TMEM50A: variants seen among roughly 807,000 people sequenced by gnomAD.
TMEM50A encodes the protein transmembrane protein 50A.
In TMEM50A, 8 loss-of-function variants were observed where a neutral mutation model predicts 23.9. The observed-to-expected ratio is 0.33, with a 90% CI of 0.20 to 0.60. The LOEUF is 0.60. Ranked by LOEUF, TMEM50A falls within the 20% of genes least tolerant of loss-of-function variation. TMEM50A has a pLI of 0.81. For missense variants in TMEM50A, 178 were observed against 192.7 expected, an observed-to-expected ratio of 0.92 and a Z score of 0.45; for synonymous variants, 55 against 60.4, an observed-to-expected ratio of 0.91 and a Z score of 0.41.
In TMEM50A at chr1:25,351,674, A is replaced by G; in HGVS notation, c.255A>G (p.Glu85=). The part of the protein sequence containing the change: ...NGQVRGDSYS[E]GCLGQTGARI... Reference sequence around the variant, plus strand: ...AAGTCCGAGGTGATAGTTACAGTGAAGGTTGTCTGGGTCAAACAGGTAAAT... The same window carrying G: ...AAGTCCGAGGTGATAGTTACAGTGAGGGTTGTCTGGGTCAAACAGGTAAAT... The change falls in exon 4 of 7, where the codon GAA becomes GAG. Residue 85 remains glutamate (E), a synonymous_variant. Coordinates refer to ENST00000374358, the MANE Select transcript of TMEM50A (RefSeq NM_014313.4). 2 of 1,613,612 alleles carry G rather than the reference A, an allele frequency of 1.2e-6. No homozygotes were observed. The highest frequency in any genetic ancestry group is 1.1e-5 in the South Asian group (1 of 90,934).
In TMEM50A at chr1:25,351,632, T is replaced by G. The variant is rs763007643; in HGVS notation, c.213T>G (p.Asn71Lys). ...VIATIAFLMI[N>K]AVSNGQVRGD... ...TTTTATTTTATTCATACAGGATTAA[T>G]GCAGTATCGAATGGACAAGTCCGAG... The change falls in exon 4 of 7, where the codon AAT (asparagine) becomes AAG (lysine). Residue 71 changes from asparagine to lysine, a missense_variant. Transcript: ENST00000374358. The G allele has an allele frequency of 6.2e-7, 1 of 1,611,944 alleles. No individual in the cohort carries two copies. The highest frequency in any genetic ancestry group is 8.5e-7 in the Non-Finnish European group (1 of 1,179,414).
chr1:25,357,275 G>A (rs967331030), intron 6 of TMEM50A, among the ~76,000 whole-genome samples: 1 of 152,038 alleles, frequency 6.6e-6, no homozygotes, highest in African/African-American at 2.4e-5. Context: ...GAGATTTGAG[G>A]TGTGGAGGAA....
At chr1:25,351,454 A>G (rs981742610) in intron 3 of TMEM50A, among the ~76,000 whole-genome samples, 172 bp from the exon 4 acceptor site, 1 of 152,164 alleles carries the variant, frequency 6.6e-6, no homozygotes, top group Non-Finnish European at 1.5e-5. Context: ...GGCTGCAGTA[A>G]GCCATGGTTG....
At chr1:25,346,315 G>T (rs3093649) in intron 3 of TMEM50A, among the ~76,000 whole-genome samples, 476 of 151,416 alleles carry the variant, frequency 3.1e-3, no homozygotes, top group Non-Finnish European at 5.5e-3. Flanking sequence ...AAGGTTTGAG[G>T]GAGGCACATC....
At chr1:25,351,790 C>A in intron 4 of TMEM50A, 97 bp downstream of exon 4, 2 of 996,666 alleles carry the variant, frequency 2.0e-6, no homozygotes, top group Non-Finnish European at 3.0e-6. Flanking sequence ...TTTAATATAT[C>A]TGTGAGTAAC....
chr1:25,353,119 C>T (rs1214198569), intron 5 of TMEM50A, 145 bp downstream of exon 5: 5 of 626,326 alleles, frequency 8.0e-6, no homozygotes, highest in South Asian at 4.4e-5. Flanking sequence ...CACCCTCCAC[C>T]GACAGTGTTT....
chr1:25,356,695 ATCAAT>A, intron 5 of TMEM50A, 93 bp from the exon 6 acceptor site: 2 of 894,122 alleles, frequency 2.2e-6, no homozygotes, highest in Non-Finnish European at 3.5e-6. Flanking sequence ...TCTAAGAAAA[ATCAAT>A]TCTTCTAGGC....
In TMEM50A at chr1:25,343,043, G is replaced by T; in HGVS notation, c.176G>T (p.Cys59Phe). The change falls in exon 3 of 7, where the codon TGT becomes TTT. Residue 59 changes from cysteine (C) to phenylalanine (F), a missense_variant. Transcript: ENST00000374358. The part of the protein sequence containing the change: ...MKDFNHSYHA[C>F]GVIATIAFLM... ...GATTTCAACCACTCATACCATGCCT[G>T]TGGTGTTATAGCAACCATAGCCTTC... 1 of 1,613,382 alleles carries T rather than the reference G, an allele frequency of 6.2e-7. No individual in the cohort carries two copies.
At chr1:25,357,730 C>T (rs533419332) in intron 6 of TMEM50A, among the ~76,000 whole-genome samples, 3 of 152,138 alleles carry the variant, frequency 2.0e-5, no homozygotes, top group East Asian at 3.9e-4. Flanking sequence ...CTCCGCCTCC[C>T]GGGTTCAAGT....
intron 5 of TMEM50A, among the ~76,000 whole-genome samples, chr1:25,355,707 T>G (rs771547137): frequency 7.2e-5 from 11 of 152,246 alleles, no homozygotes; most frequent in Non-Finnish European, 1.3e-4. Context: ...GAGAAAAATT[T>G]GACAGTTCAC....
At chr1:25,359,268 A>G (rs2124266436) in intron 6 of TMEM50A, among the ~76,000 whole-genome samples, 1 of 152,286 alleles carries the variant, frequency 6.6e-6, no homozygotes, top group East Asian at 1.9e-4. Context: ...CTGCCTCCTC[A>G]TGGCCAACCA....
intron 6 of TMEM50A, 73 bp from the exon 7 acceptor site, chr1:25,360,587 A>G: frequency 6.5e-7 from 1 of 1,540,464 alleles, no homozygotes; most frequent in South Asian, 1.1e-5. Flanking sequence ...TTTGTTTCAC[A>G]CCATTCTCGA....
chr1:25,357,648 G>GTGTGT, intron 6 of TMEM50A, among the ~76,000 whole-genome samples: 1 of 148,892 alleles, frequency 6.7e-6, no homozygotes, highest in Non-Finnish European at 1.5e-5. Flanking sequence ...GTGTGTGTGT[G>GTGTGT]TTGTTTTGAG....
In TMEM50A at chr1:25,356,859, T is replaced by C; in HGVS notation, c.428+6T>C. On this transcript the variant is annotated splice_donor_region_variant and intron_variant, in intron 6 of 6. Coordinates refer to ENST00000374358, the MANE Select transcript of TMEM50A (RefSeq NM_014313.4). ...AATGCCTTCATCTTTTTTGGGTAAG[T>C]TTGTTTTGCATTCTTTATGTTTGTT... 6.3e-7 allele frequency: 1 copy of C among 1,585,948 alleles called. No individual in the cohort carries two copies. Among genetic ancestry groups the C allele is most frequent in the South Asian group, 1.2e-5 (1 of 85,762 alleles).
At chr1:25,345,120 CTTT>C (rs775789415) in intron 3 of TMEM50A, among the ~76,000 whole-genome samples, 2 of 117,458 alleles carry the variant, frequency 1.7e-5, no homozygotes, top group Non-Finnish European at 1.8e-5. Flanking sequence ...ACCACATCTT[CTTT>C]TTTTTTTTTT....
intron 5 of TMEM50A, among the ~76,000 whole-genome samples, chr1:25,356,351 T>A (rs1208334748): frequency 6.6e-6 from 1 of 152,188 alleles, no homozygotes; most frequent in Admixed American, 6.6e-5. Context: ...TCAGGGCGTG[T>A]GCATGGCTTC....
intron 2 of TMEM50A, 144 bp from the exon 3 acceptor site, chr1:25,342,817 T>C (rs1645179838): frequency 5.5e-6 from 3 of 546,378 alleles, no homozygotes; most frequent in Non-Finnish European, 9.6e-6. Context: ...AATCAGTTAT[T>C]AGGCCATGTG....
chr1:25,344,308 G>T (rs1467758028), intron 3 of TMEM50A, among the ~76,000 whole-genome samples: 2 of 152,186 alleles, frequency 1.3e-5, no homozygotes, highest in African/African-American at 4.8e-5. Flanking sequence ...GCAGAGGAAT[G>T]AAATGACCTT....
At chr1:25,354,726 T>C (rs918364575) in intron 5 of TMEM50A, among the ~76,000 whole-genome samples, 4 of 152,246 alleles carry the variant, frequency 2.6e-5, no homozygotes, top group African/African-American at 9.6e-5. Context: ...TCATAATTTT[T>C]ATCCCCCGTT....
Sources: gnomAD v4.1 joint callset for allele counts (sites outside exome capture counted in the v4.1 genomes callset) on GRCh38, gnomAD v4.1.1 for gene constraint, MANE v1.5 for transcripts, NCBI Gene and HGNC (gene_info 2026-07-23, HGNC 2026-07-21) for gene names.